The following SCARA3 variants were observed in gnomAD, a reference collection of about 807,000 sequenced individuals.
The protein encoded by SCARA3 is scavenger receptor class A member 3.
Under a neutral mutation model 47.0 loss-of-function variants are expected in SCARA3, and 39 were observed. That is an observed-to-expected ratio of 0.83 (90% CI 0.64 to 1.08). The LOEUF is 1.08. Among genes scored for constraint, SCARA3 ranks in the 50% least tolerant of loss-of-function variants. The pLI, the probability that SCARA3 is intolerant of heterozygous loss-of-function variation, is 0.00. For synonymous variants in SCARA3, 356 were observed against 334.1 expected (o/e 1.07, Z -0.71); for missense variants, 724 against 792.3 (o/e 0.91, Z 1.04).
intron 5 of SCARA3, among the ~76,000 whole-genome samples, chr8:27,660,842 C>A (rs76031044): frequency 0.015 from 1,676 of 113,854 alleles, 23 homozygotes; most frequent in African/African-American, 0.018. Flanking sequence ...AGCTAGCTAG[C>A]TAGATAGATA....
the SCARA3 span, among the ~76,000 whole-genome samples, chr8:27,696,268 C>T: frequency 2.6e-5 from 4 of 152,024 alleles, no homozygotes; most frequent in South Asian, 8.3e-4. Flanking sequence ...CCTTGGCCTT[C>T]CAAAATGCTG....
chr8:27,642,481 A>G (rs1801403743), intron 1 of SCARA3, among the ~76,000 whole-genome samples: 1 of 152,178 alleles, frequency 6.6e-6, no homozygotes, highest in African/African-American at 2.4e-5. Context: ...CCCATGCGAG[A>G]CAGGGTAGGA....
chr8:27,721,449 G>A, the SCARA3 span, among the ~76,000 whole-genome samples: 3 of 152,000 alleles, frequency 2.0e-5, no homozygotes, highest in African/African-American at 7.3e-5. Flanking sequence ...TATACAGTAT[G>A]GTAGATAAAT....
chr8:27,657,440 C>T (rs183103256), intron 4 of SCARA3, among the ~76,000 whole-genome samples: 1 of 146,880 alleles, frequency 6.8e-6, no homozygotes, highest in African/African-American at 2.5e-5. Flanking sequence ...AGCCCAGGTA[C>T]CCAATAGGTG....
the SCARA3 span, among the ~76,000 whole-genome samples, chr8:27,705,334 C>G: frequency 6.6e-6 from 1 of 152,288 alleles, no homozygotes; most frequent in Admixed American, 6.5e-5. Flanking sequence ...CTTGGCAGAC[C>G]CAAGTGGGGC....
chr8:27,699,109 T>A, the SCARA3 span, among the ~76,000 whole-genome samples: 4 of 151,714 alleles, frequency 2.6e-5, no homozygotes, highest in African/African-American at 9.7e-5. Context: ...CCGGGCATGG[T>A]GGCGGGCGCC....
chr8:27,726,601 G>C, the SCARA3 span, among the ~76,000 whole-genome samples: 2 of 152,024 alleles, frequency 1.3e-5, no homozygotes, highest in Non-Finnish European at 1.5e-5. Context: ...TTGGGAGACT[G>C]AGGCAGGAGA....
At chr8:27,726,483 G>A in the SCARA3 span, among the ~76,000 whole-genome samples, 2 of 152,228 alleles carry the variant, frequency 1.3e-5, no homozygotes, top group South Asian at 4.2e-4. Context: ...TGGATCACAA[G>A]GTCAGCAGTT....
chr8:27,689,424 T>A, the SCARA3 span, among the ~76,000 whole-genome samples: 2 of 152,110 alleles, frequency 1.3e-5, no homozygotes, highest in East Asian at 3.9e-4. Context: ...ATGATTATCC[T>A]GAGCCGGTTC....
chr8:27,708,190 G>T, the SCARA3 span, among the ~76,000 whole-genome samples: 2 of 152,144 alleles, frequency 1.3e-5, no homozygotes, highest in Non-Finnish European at 2.9e-5. Flanking sequence ...GGCTCTGAAA[G>T]GGAGATCTTT....
At chr8:27,709,513 T>C in the SCARA3 span, among the ~76,000 whole-genome samples, 1 of 152,152 alleles carries the variant, frequency 6.6e-6, no homozygotes, top group Admixed American at 6.5e-5. Flanking sequence ...GGTAGTAGTG[T>C]TGAGACCCAG....
chr8:27,710,672 C>T, the SCARA3 span, among the ~76,000 whole-genome samples: 3 of 152,190 alleles, frequency 2.0e-5, no homozygotes, highest in African/African-American at 7.2e-5. Context: ...ATCTACATAT[C>T]ACCTTTACTT....
In SCARA3 at chr8:27,658,826, C is replaced by T. The variant is rs540775242; in HGVS notation, c.656C>T (p.Ala219Val). The stretch of plus-strand genomic sequence containing the variant: ...CAGGAGTGCTACGATGTCAAGGCTG[C>T]AGTGCACCAGATCAACTTCACCGTG... ...LTQECYDVKAAVHQINFTVGQ... is the reference protein window; with the variant it reads ...LTQECYDVKAVVHQINFTVGQ... Residue 219 changes from alanine (A) to valine (V), a missense_variant, in exon 5 of 6, where the codon GCA (alanine) becomes GTA (valine). Coordinates refer to ENST00000301904, the MANE Select transcript of SCARA3 (RefSeq NM_016240.3). The T allele has an allele frequency of 2.1e-5, 34 of 1,614,156 alleles. No individual in the cohort carries two copies. The South Asian group carries it at 3.1e-4, about 15-fold the overall frequency.
At chr8:27,706,841 G>T in the SCARA3 span, among the ~76,000 whole-genome samples, 2 of 152,186 alleles carry the variant, frequency 1.3e-5, no homozygotes, top group South Asian at 4.2e-4. Flanking sequence ...TATGAGAAAA[G>T]AATCAATCAC....
chr8:27,675,950 C>T (rs761355140), downstream of SCARA3, among the ~76,000 whole-genome samples: 6 of 152,196 alleles, frequency 3.9e-5, no homozygotes, highest in East Asian at 1.9e-4. Flanking sequence ...GGGATTCTGA[C>T]GCCCCAGATA....
the SCARA3 span, among the ~76,000 whole-genome samples, chr8:27,695,415 G>A: frequency 5.9e-5 from 9 of 152,292 alleles, no homozygotes; most frequent in Middle Eastern, 3.4e-3. Flanking sequence ...TGTTCTTCAC[G>A]GGTAAATAAC....
chr8:27,645,372 AGC>A, intron 1 of SCARA3, among the ~76,000 whole-genome samples: 1 of 152,258 alleles, frequency 6.6e-6, no homozygotes, highest in Non-Finnish European at 1.5e-5. Flanking sequence ...CTGTGCTGAA[AGC>A]AGTTGAGGGG....
chr8:27,710,782 A>C, the SCARA3 span, among the ~76,000 whole-genome samples: 1 of 151,982 alleles, frequency 6.6e-6, no homozygotes, highest in African/African-American at 2.4e-5. Context: ...CATTTTTCCT[A>C]TAGTTTCTCA....
At position 27,672,689 on chromosome 8, in the gene SCARA3, A is replaced by G; in HGVS notation, c.*1338A>G. On this transcript the variant is annotated 3_prime_UTR_variant, in exon 6 of 6. Coordinates refer to ENST00000301904, the MANE Select transcript of SCARA3 (RefSeq NM_016240.3). ...CTTGGCACCCACCAACTTCCTGCACACACTGGCAGAGAGGGGCGCTGGGAA... is the reference window on the plus strand; with the variant it reads ...CTTGGCACCCACCAACTTCCTGCACGCACTGGCAGAGAGGGGCGCTGGGAA... 1 of 985,638 alleles carries G rather than the reference A, an allele frequency of 1.0e-6. No individual in the cohort carries two copies. The highest frequency in any genetic ancestry group is 1.1e-4 in the East Asian group (1 of 8,810). The allele number at this position is 985,638 out of a possible 1,614,324, so 61.1% of individuals were successfully genotyped here. A position where few individuals can be genotyped will look rare whatever the true frequency, so the allele number is the denominator to read the frequency against.
Sources: allele counts gnomAD v4.1 joint callset (sites outside exome capture counted in the v4.1 genomes callset), GRCh38; gene constraint gnomAD v4.1.1; transcripts MANE v1.5; gene names NCBI Gene and HGNC (gene_info 2026-07-23, HGNC 2026-07-21).